The following TJP2 variants were observed in gnomAD, a reference collection of about 807,000 sequenced individuals.
TJP2 encodes Friedreich ataxia region gene X104 (tight junction protein ZO-2).
Under a neutral mutation model 133.1 loss-of-function variants are expected in TJP2, and 91 were observed. That is an observed-to-expected ratio of 0.68 (90% CI 0.58 to 0.81). The LOEUF is 0.81. Ranked by LOEUF, TJP2 falls within the 40% of genes least tolerant of loss-of-function variation. TJP2 has a pLI of 0.00. For synonymous variants in TJP2, 592 were observed against 583.4 expected, an observed-to-expected ratio of 1.01 and a Z score of -0.21; for missense variants, 1,541 against 1,565.6, an observed-to-expected ratio of 0.98 and a Z score of 0.26.
intron 2 of TJP2, among the ~76,000 whole-genome samples, chr9:69,153,662 C>G (rs1446446774): frequency 6.6e-6 from 1 of 152,124 alleles, no homozygotes; most frequent in African/African-American, 2.4e-5. Context: ...TGGAGGGGTA[C>G]TATAGAGTAT....
intron 2 of TJP2, among the ~76,000 whole-genome samples, chr9:69,215,686 G>GA (rs1211475899): frequency 8.2e-6 from 1 of 122,188 alleles, no homozygotes. Context: ...AGCCTAGGCA[G>GA]AAGGTTTTTT....
intron 1 of TJP2, among the ~76,000 whole-genome samples, chr9:69,151,480 C>CA (rs141276955): frequency 0.42 from 52,741 of 125,932 alleles, 10,020 homozygotes; most frequent in African/African-American, 0.44. Context: ...AACTCCGTCT[C>CA]AAAAAAAAAA....
At chr9:69,137,239 TTC>T (rs147892355) in intron 1 of TJP2, among the ~76,000 whole-genome samples, 10 of 89,682 alleles carry the variant, frequency 1.1e-4, no homozygotes, top group Admixed American at 1.4e-4. Context: ...CTTTCTTTCT[TTC>T]TCTCTCTCTT....
intron 2 of TJP2, among the ~76,000 whole-genome samples, chr9:69,156,953 C>G (rs1396763173): frequency 6.6e-6 from 1 of 152,150 alleles, no homozygotes; most frequent in African/African-American, 2.4e-5. Flanking sequence ...TACTGCTATT[C>G]TAAAGCCTCC....
intron 2 of TJP2, among the ~76,000 whole-genome samples, chr9:69,213,716 C>T (rs1017150006): frequency 2.6e-5 from 4 of 152,190 alleles, no homozygotes; most frequent in South Asian, 2.1e-4. Flanking sequence ...CAACTTTCCT[C>T]GTCTTTCTGA....
At position 69,227,780 on chromosome 9, in the gene TJP2, A is replaced by T; in HGVS notation, c.1226A>T (p.Glu409Val). 5 of 1,607,938 alleles carry T rather than the reference A, an allele frequency of 3.1e-6. No individual in the cohort carries two copies. Among genetic ancestry groups the T allele is most frequent in the Non-Finnish European group, 4.3e-6 (5 of 1,174,814 alleles). Residue 409 changes from glutamate to valine, a missense_variant, in exon 8 of 23, where the codon GAG becomes GTG. Glu to Val is a moderately radical substitution (Grantham distance 121). Transcript: ENST00000377245. ...DSEIEDISEI[E>V]SNRSFSPEER... ...TTGAAACTAGATATTTCAGAAATAG[A>T]GTCAAACCGATCATTTTCTCCAGAG...
chr9:69,243,911 GGT>G (rs1830737945), intron 17 of TJP2, among the ~76,000 whole-genome samples: 2 of 102,270 alleles, frequency 2.0e-5, no homozygotes, highest in South Asian at 7.0e-4. Flanking sequence ...AGCTGGGCAT[GGT>G]GGCTCACGCC....
chr9:69,159,894 CAT>C (rs201741382), intron 2 of TJP2, among the ~76,000 whole-genome samples: 9,994 of 58,762 alleles, frequency 0.17, 510 homozygotes, highest in East Asian at 0.49. Flanking sequence ...GAAATATATA[CAT>C]ATATATATAT....
chr9:69,200,753 T>C (rs888646262), intron 1 of TJP2, among the ~76,000 whole-genome samples: 6 of 152,126 alleles, frequency 3.9e-5, no homozygotes, highest in Non-Finnish European at 7.4e-5. Flanking sequence ...CTCCAGCCCA[T>C]GTCACCTTTT....
At chr9:69,195,045 T>C (rs768339972) in intron 1 of TJP2, among the ~76,000 whole-genome samples, 4 of 152,228 alleles carry the variant, frequency 2.6e-5, no homozygotes, top group African/African-American at 4.8e-5. Context: ...GAGGGAACGA[T>C]TGACCTTGTG....
chr9:69,159,370 T>C (rs1823942515), intron 2 of TJP2, among the ~76,000 whole-genome samples: 1 of 144,762 alleles, frequency 6.9e-6, no homozygotes, highest in Admixed American at 7.2e-5. Context: ...ATTTTTATTA[T>C]AATTATTGCT....
chr9:69,233,326 TA>T (rs1476138029), intron 11 of TJP2, among the ~76,000 whole-genome samples: 1 of 152,228 alleles, frequency 6.6e-6, no homozygotes, highest in East Asian at 1.9e-4. Flanking sequence ...CTCTTGTGAT[TA>T]AAAGGATTCT....
rs758332930 is a variant in TJP2 at position 69,251,015 on chromosome 9, C to T, written c.2992-20C>T. The T allele has an allele frequency of 4.4e-6, 7 of 1,607,768 alleles. No homozygotes were observed. The highest frequency in any genetic ancestry group is 1.7e-4 in the Middle Eastern group (1 of 6,054). On this transcript the variant is annotated intron_variant, in intron 20 of 22. Coordinates refer to ENST00000377245, the MANE Select transcript of TJP2 (RefSeq NM_004817.4). ...TAAACTTAAAAGCCCAGGGTGAAAA[C>T]GTGTCATTGCTCTCCGCAGGCCAAA... is the stretch of plus-strand genomic sequence containing the variant.
At chr9:69,219,529 A>G (rs927982659) in intron 4 of TJP2, among the ~76,000 whole-genome samples, 1 of 152,156 alleles carries the variant, frequency 6.6e-6, no homozygotes, top group African/African-American at 2.4e-5. Flanking sequence ...TAATACTATT[A>G]TCCGATCTAA....
chr9:69,230,861 C>T (rs1002204840), intron 11 of TJP2, among the ~76,000 whole-genome samples: 1 of 152,120 alleles, frequency 6.6e-6, no homozygotes, highest in Non-Finnish European at 1.5e-5. Flanking sequence ...TGGAAGATAA[C>T]AAATAGCTGC....
intron 1 of TJP2, among the ~76,000 whole-genome samples, chr9:69,140,724 C>T (rs1410839227): frequency 6.6e-6 from 1 of 152,206 alleles, no homozygotes; most frequent in African/African-American, 2.4e-5. Context: ...CTCATGTGCT[C>T]CCAGGCAAGG....
chr9:69,141,185 CAG>C (rs1823003934), intron 1 of TJP2, among the ~76,000 whole-genome samples: 1 of 152,138 alleles, frequency 6.6e-6, no homozygotes. Context: ...TGAGAGTACT[CAG>C]AGAATCCATG....
chr9:69,184,126 T>A (rs745677080), intron 1 of TJP2, among the ~76,000 whole-genome samples: 9 of 152,218 alleles, frequency 5.9e-5, no homozygotes, highest in Non-Finnish European at 1.2e-4. Context: ...TACCTTTTTC[T>A]CATGTTCAGT....
chr9:69,229,061 T>G (rs184677564), intron 9 of TJP2, 123 bp from the exon 10 acceptor site: 17 of 905,224 alleles, frequency 1.9e-5, no homozygotes, highest in Non-Finnish European at 2.8e-5. Flanking sequence ...TAGAGACTTC[T>G]TTTTGTTTGT....
Sources: gnomAD v4.1 joint callset for allele counts (sites outside exome capture counted in the v4.1 genomes callset) on GRCh38, gnomAD v4.1.1 for gene constraint, MANE v1.5 for transcripts, NCBI Gene and HGNC (gene_info 2026-07-23, HGNC 2026-07-21) for gene names.